The following LIFR variants were observed in gnomAD, a reference collection of about 807,000 sequenced individuals.
The protein encoded by LIFR is leukemia inhibitory factor receptor.
A neutral mutation model predicts 122.2 loss-of-function variants in LIFR; 84 were observed. The observed-to-expected ratio is 0.69, with a 90% CI of 0.58 to 0.82. The LOEUF is 0.82. Ranked by LOEUF, LIFR falls within the 40% of genes least tolerant of loss-of-function variation. The pLI is 0.00. For synonymous variants in LIFR, 422 were observed against 434.7 expected (o/e 0.97, Z 0.36); for missense variants, 1,294 against 1,311.6 (o/e 0.99, Z 0.21).
chr5:38,544,008 C>A (rs1196610486), intron 1 of LIFR, among the ~76,000 whole-genome samples: 1 of 152,122 alleles, frequency 6.6e-6, no homozygotes, highest in Non-Finnish European at 1.5e-5. Flanking sequence ...AAAAACCTAG[C>A]AGTCACCCTT....
chr5:38,567,377 C>T (rs984767479), intron 1 of LIFR, among the ~76,000 whole-genome samples: 3 of 151,976 alleles, frequency 2.0e-5, no homozygotes, highest in South Asian at 2.1e-4. Flanking sequence ...AAATCCCCTT[C>T]GTTTCTCTGT....
chr5:38,506,527 G>T lies in LIFR; in HGVS notation c.1097C>A (p.Ala366Asp). The T allele has an allele frequency of 1.2e-6, 2 of 1,613,968 alleles. No homozygotes were observed. Among genetic ancestry groups the T allele is most frequent in the Non-Finnish European group, 1.7e-6 (2 of 1,179,962 alleles). The change falls in exon 8 of 20, where the codon GCT becomes GAT. Residue 366 changes from alanine to aspartate, a missense_variant. Transcript: ENST00000453190. Reference protein sequence around the residue: ...GRVTALVGPRATSYTLVESFS... With the variant: ...GRVTALVGPRDTSYTLVESFS... ...CCTTTCAACTAAAGTGTAGCTTGTA[G>T]CACGTGGGCCCACCAACGCTGTCAC...
chr5:38,552,315 G>T (rs551572644), intron 1 of LIFR, among the ~76,000 whole-genome samples: 3 of 152,148 alleles, frequency 2.0e-5, no homozygotes, highest in South Asian at 2.1e-4. Context: ...TATAACAATT[G>T]CTTGGCATAA....
intron 16 of LIFR, 74 bp downstream of exon 16, chr5:38,489,004 C>CT (rs755501246): frequency 1.6e-5 from 21 of 1,295,558 alleles, no homozygotes; most frequent in Non-Finnish European, 2.0e-5. Flanking sequence ...CTGAGCAGGA[C>CT]TTTCCTTTTT....
Position 38,535,525 on chromosome 5 carries a change from C to G in LIFR, c.-19-4859G>C, listed in dbSNP as rs138026308. The stretch of plus-strand genomic sequence containing the variant: ...CTACTTTCCCATGACAATGTTAGAG[C>G]TGAGTGGCTAGGATAGAGATTGAAT... On this transcript the variant is annotated intron_variant, in intron 1 of 19. Coordinates refer to ENST00000453190, the MANE Select transcript of LIFR (RefSeq NM_001127671.2). Among the ~76,000 whole-genome samples, 6 of 152,262 alleles carry G rather than the reference C, an allele frequency of 3.9e-5. No homozygotes were observed. The East Asian group carries it at 1.2e-3, about 29-fold the overall frequency.
chr5:38,591,464 G>C (rs1199561385), intron 1 of LIFR, among the ~76,000 whole-genome samples: 2 of 152,160 alleles, frequency 1.3e-5, no homozygotes, highest in Non-Finnish European at 2.9e-5. Flanking sequence ...ATTCAGCTGA[G>C]GACTCCACAC....
At chr5:38,604,309 A>G (rs545461385) in intron 2 of LIFR, among the ~76,000 whole-genome samples, 1 of 152,346 alleles carries the variant, frequency 6.6e-6, no homozygotes, top group African/African-American at 2.4e-5. Context: ...GAAAGGGGCA[A>G]GGCAGCGTCT....
chr5:38,598,507 A>G (rs866955231), upstream of LIFR, among the ~76,000 whole-genome samples: 21 of 151,920 alleles, frequency 1.4e-4, no homozygotes, highest in Middle Eastern at 3.4e-3. Flanking sequence ...CGGCCTCCCA[A>G]AAGGCACACT....
At chr5:38,497,472 A>G (rs1476391548) in intron 12 of LIFR, among the ~76,000 whole-genome samples, 2 of 152,246 alleles carry the variant, frequency 1.3e-5, no homozygotes, top group Non-Finnish European at 2.9e-5. Context: ...TTCAGGAGCA[A>G]AACTTTTAAA....
intron 5 of LIFR, among the ~76,000 whole-genome samples, chr5:38,512,639 A>T (rs189712503): frequency 1.3e-5 from 2 of 151,930 alleles, no homozygotes; most frequent in Non-Finnish European, 2.9e-5. Flanking sequence ...TATCCTGTCT[A>T]AAAACAACAA....
In LIFR at chr5:38,483,424, G is replaced by GT. The variant is rs200505086; in HGVS notation, c.2592-758dup. Among the ~76,000 whole-genome samples, 1,203 of 150,212 alleles carry GT rather than the reference G, an allele frequency of 8.0e-3. 19 individuals carry two copies. The highest frequency in any genetic ancestry group is 0.043 in the Admixed American group (654 of 15,130). On this transcript the variant is annotated intron_variant, in intron 18 of 19. Transcript: ENST00000453190. ...GTACTTTAATAGTTGGGTTTTTTTT[G>GT]TTTTTTTGGTTTTTTTGAGACAGAG...
intron 6 of LIFR, 118 bp from the exon 7 acceptor site, chr5:38,510,836 T>C: frequency 1.3e-6 from 1 of 767,672 alleles, no homozygotes; most frequent in Non-Finnish European, 2.1e-6. Flanking sequence ...GTATATACAC[T>C]ACAAACTGTT....
chr5:38,527,437 A>G, intron 3 of LIFR, 143 bp from the exon 4 acceptor site: 1 of 614,362 alleles, frequency 1.6e-6, no homozygotes, highest in South Asian at 2.1e-5. Flanking sequence ...GCATTTTAAG[A>G]CTGAAAAAAC....
chr5:38,503,374 C>T (rs531237126), intron 10 of LIFR, among the ~76,000 whole-genome samples: 5 of 152,074 alleles, frequency 3.3e-5, no homozygotes, highest in South Asian at 2.1e-4. Flanking sequence ...ATTTGAATAT[C>T]TGCCTGTTTC....
At chr5:38,509,200 A>G (rs1745660349) in intron 7 of LIFR, among the ~76,000 whole-genome samples, 1 of 152,206 alleles carries the variant, frequency 6.6e-6, no homozygotes, top group African/African-American at 2.4e-5. Flanking sequence ...CTTCTTTCAT[A>G]CTTTTAAGTA....
At chr5:38,505,097 A>G (rs1439469260) in intron 9 of LIFR, among the ~76,000 whole-genome samples, 1 of 152,188 alleles carries the variant, frequency 6.6e-6, no homozygotes, top group Non-Finnish European at 1.5e-5. Flanking sequence ...ATTGGTAAAA[A>G]TGCAATCAGT....
At chr5:38,487,837 C>CGTGAGG (rs1744372679) in intron 16 of LIFR, among the ~76,000 whole-genome samples, 1 of 152,204 alleles carries the variant, frequency 6.6e-6, no homozygotes, top group African/African-American at 2.4e-5. Flanking sequence ...GATTGATCCT[C>CGTGAGG]ACCACTCAGC....
intron 13 of LIFR, among the ~76,000 whole-genome samples, chr5:38,495,044 T>TA (rs1201362414): frequency 6.6e-6 from 1 of 152,310 alleles, no homozygotes; most frequent in East Asian, 1.9e-4. Flanking sequence ...ACATAACAGC[T>TA]TTTTTTGCTC....
intron 5 of LIFR, among the ~76,000 whole-genome samples, chr5:38,521,747 T>C (rs1325846095): frequency 6.6e-6 from 1 of 152,134 alleles, no homozygotes; most frequent in Non-Finnish European, 1.5e-5. Context: ...GTGCTGACAG[T>C]AGATACAATG....
Sources: gnomAD v4.1 joint callset for allele counts (sites outside exome capture counted in the v4.1 genomes callset) on GRCh38, gnomAD v4.1.1 for gene constraint, MANE v1.5 for transcripts, NCBI Gene and HGNC (gene_info 2026-07-23, HGNC 2026-07-21) for gene names.